Variants in DCC observed in about 807,000 individuals in gnomAD.
DCC encodes the protein netrin receptor DCC.
DCC carries 58 observed loss-of-function variants against 172.5 expected under a neutral mutation model. The observed-to-expected ratio is 0.34, with a 90% CI of 0.27 to 0.42. DCC has a LOEUF of 0.42. Among genes scored for constraint, DCC ranks in the 10% least tolerant of loss-of-function variants. The pLI, the probability that DCC is intolerant of heterozygous loss-of-function variation, is 1.00. For missense variants in DCC, 1,740 were observed against 1,791.0 expected (o/e 0.97, Z 0.51); for synonymous variants, 709 against 644.5 (o/e 1.10, Z -1.52).
At chr18:53,423,181 A>G (rs1273395436) in intron 21 of DCC, among the ~76,000 whole-genome samples, 6 of 152,164 alleles carry the variant, frequency 3.9e-5, no homozygotes, top group Admixed American at 2.6e-4. Flanking sequence ...TAAGGTAGAC[A>G]TTTTTGTTTA....
chr18:52,656,576 T>C (rs1189115522), intron 1 of DCC, among the ~76,000 whole-genome samples: 1 of 152,126 alleles, frequency 6.6e-6, no homozygotes. Context: ...TTATGTGACA[T>C]GTGAAGAAAA....
intron 12 of DCC, among the ~76,000 whole-genome samples, chr18:53,289,037 A>G: frequency 6.6e-6 from 1 of 152,142 alleles, no homozygotes; most frequent in East Asian, 1.9e-4. Context: ...ACACTGATAG[A>G]ATCCTTGATT....
chr18:53,382,537 A>G (rs73467286), intron 15 of DCC, among the ~76,000 whole-genome samples: 5 of 152,226 alleles, frequency 3.3e-5, no homozygotes, highest in African/African-American at 4.8e-5. Flanking sequence ...CTCTAAATGT[A>G]TAGCATTCAT....
chr18:52,991,025 T>A (rs2041380919), intron 5 of DCC, among the ~76,000 whole-genome samples: 1 of 152,166 alleles, frequency 6.6e-6, no homozygotes, highest in Non-Finnish European at 1.5e-5. Flanking sequence ...ATACAGCTAG[T>A]AAGCGGAGGA....
chr18:53,471,684 G>T (rs73957244), intron 25 of DCC, among the ~76,000 whole-genome samples: 1,859 of 152,094 alleles, frequency 0.012, 27 homozygotes, highest in African/African-American at 0.042. Flanking sequence ...TCAGTTCAGG[G>T]ACTCTGCACT....
In DCC at chr18:53,397,451, G is replaced by T; in HGVS notation, c.2827+5G>T. The T allele has an allele frequency of 6.2e-7, 1 of 1,613,880 alleles. No individual in the cohort carries two copies. The highest frequency in any genetic ancestry group is 8.5e-7 in the Non-Finnish European group (1 of 1,179,894). Reference sequence around the variant, plus strand: ...ATGCCACCACGTATGAAGCAGGTATGTGAGGAAATGTCTACTTTGGACCCT... The same window carrying T: ...ATGCCACCACGTATGAAGCAGGTATTTGAGGAAATGTCTACTTTGGACCCT... On this transcript the variant is annotated splice_donor_5th_base_variant and intron_variant, in intron 18 of 28. Coordinates refer to ENST00000442544, the MANE Select transcript of DCC (RefSeq NM_005215.4).
intron 12 of DCC, among the ~76,000 whole-genome samples, chr18:53,297,686 G>C (rs1404159086): frequency 6.6e-6 from 1 of 152,142 alleles, no homozygotes; most frequent in Non-Finnish European, 1.5e-5. Context: ...CTGAACTACT[G>C]GGCAGTGGCA....
intron 1 of DCC, among the ~76,000 whole-genome samples, chr18:52,662,620 A>G (rs541633132): frequency 2.3e-3 from 355 of 151,154 alleles, no homozygotes; most frequent in African/African-American, 8.3e-3. Flanking sequence ...AGAGAAAGAA[A>G]GAAAGAGAAA....
chr18:53,030,536 A>T (rs1274345701), intron 5 of DCC, among the ~76,000 whole-genome samples: 3 of 152,066 alleles, frequency 2.0e-5, no homozygotes, highest in Non-Finnish European at 4.4e-5. Flanking sequence ...AATTTATGAA[A>T]ACTTAGCTGT....
In DCC at chr18:52,715,267, TA is replaced by T. The variant is rs199776967; in HGVS notation, c.92-36778del. Among the ~76,000 whole-genome samples the T allele has an allele frequency of 2.3e-4, 33 of 143,378 alleles. 1 individual carries two copies. The highest frequency in any genetic ancestry group is 6.6e-4 in the South Asian group (3 of 4,548). The allele number at this position is 143,378 out of a possible 152,430, so 94.1% of individuals were successfully genotyped here. A position where few individuals can be genotyped will look rare whatever the true frequency, so the allele number is the denominator to read the frequency against. Reference sequence around the variant, plus strand: ...TCAGCAAACAATCCTGCATAAAAAATAAAAAAAAACACTACATTTTTTCTTT... The same window carrying T: ...TCAGCAAACAATCCTGCATAAAAAATAAAAAAAACACTACATTTTTTCTTT... On this transcript the variant is annotated intron_variant, in intron 1 of 28. Transcript: ENST00000442544.
chr18:53,132,079 G>C (rs1487634317), intron 7 of DCC, among the ~76,000 whole-genome samples: 2 of 146,250 alleles, frequency 1.4e-5, no homozygotes, highest in Non-Finnish European at 3.0e-5. Context: ...TATAGTGAAA[G>C]TGTGTCTTCT....
intron 5 of DCC, among the ~76,000 whole-genome samples, chr18:53,040,994 C>A (rs1448264830): frequency 6.6e-6 from 1 of 151,634 alleles, no homozygotes; most frequent in Non-Finnish European, 1.5e-5. Flanking sequence ...TGCCTGTTCA[C>A]TCTGATTATA....
At chr18:52,786,308 AGC>A (rs2037658232) in intron 2 of DCC, among the ~76,000 whole-genome samples, 1 of 152,054 alleles carries the variant, frequency 6.6e-6, no homozygotes, top group Non-Finnish European at 1.5e-5. Context: ...GTTTCTTCCA[AGC>A]TGCAGGAAAT....
chr18:52,802,830 CCT>C (rs2038018465), intron 2 of DCC, among the ~76,000 whole-genome samples: 1 of 151,252 alleles, frequency 6.6e-6, no homozygotes, highest in African/African-American at 2.4e-5. Flanking sequence ...CTACTGATAG[CCT>C]ATTGTTGACC....
At chr18:52,422,250 A>C (rs1987273982) in intron 1 of DCC, among the ~76,000 whole-genome samples, 1 of 152,210 alleles carries the variant, frequency 6.6e-6, no homozygotes, top group African/African-American at 2.4e-5. Context: ...TTGATTGGCA[A>C]ATCTTAGAGA....
At chr18:52,414,989 G>A (rs1173104236) in intron 1 of DCC, among the ~76,000 whole-genome samples, 2 of 152,200 alleles carry the variant, frequency 1.3e-5, no homozygotes, top group East Asian at 1.9e-4. Flanking sequence ...TTTCAGAAGT[G>A]TAGGTAGAGA....
At chr18:53,356,997 G>A (rs1328380652) in intron 15 of DCC, among the ~76,000 whole-genome samples, 2 of 152,132 alleles carry the variant, frequency 1.3e-5, no homozygotes, top group Non-Finnish European at 1.5e-5. Flanking sequence ...CATATCCAAA[G>A]TCTCAAAATT....
At chr18:53,047,428 C>CATATATATATATATATATAT (rs58797605) in intron 5 of DCC, among the ~76,000 whole-genome samples, 1 of 50,038 alleles carries the variant, frequency 2.0e-5, no homozygotes, top group Non-Finnish European at 4.0e-5. Context: ...ATATATTTTA[C>CATATATATATATATATATAT]ATATATATAT....
At chr18:52,790,394 A>C (rs1266002226) in intron 2 of DCC, among the ~76,000 whole-genome samples, 1 of 152,176 alleles carries the variant, frequency 6.6e-6, no homozygotes, top group Admixed American at 6.6e-5. Flanking sequence ...TAATATAAAC[A>C]ATGATCCTTG....
Sources: gnomAD v4.1 joint callset for allele counts (sites outside exome capture counted in the v4.1 genomes callset) on GRCh38, gnomAD v4.1.1 for gene constraint, MANE v1.5 for transcripts, NCBI Gene and HGNC (gene_info 2026-07-23, HGNC 2026-07-21) for gene names.